Variants in DMXL1 observed in about 807,000 individuals in gnomAD.
DMXL1 encodes the protein Dmx like 1.
In DMXL1, 99 loss-of-function variants were observed where a neutral mutation model predicts 319.2. That is an observed-to-expected ratio of 0.31 (90% CI 0.26 to 0.37). DMXL1 has a LOEUF of 0.37. DMXL1 is among the 10% of genes least tolerant of loss of function. DMXL1 has a pLI of 1.00. For missense variants in DMXL1, 3,745 were observed against 3,595.6 expected, an observed-to-expected ratio of 1.04 and a Z score of -1.06; for synonymous variants, 1,385 against 1,235.2, an observed-to-expected ratio of 1.12 and a Z score of -2.54.
At chr5:119,238,561 A>T (rs1247093224) in intron 40 of DMXL1, among the ~76,000 whole-genome samples, 1 of 152,198 alleles carries the variant, frequency 6.6e-6, no homozygotes, top group Non-Finnish European at 1.5e-5. Flanking sequence ...ATCATCTAAA[A>T]TTCTAGTTTC....
chr5:119,212,019 G>C (rs939131189), intron 34 of DMXL1, among the ~76,000 whole-genome samples: 1 of 152,198 alleles, frequency 6.6e-6, no homozygotes, highest in East Asian at 1.9e-4. Flanking sequence ...GCAATGTTCA[G>C]ATCAGTTTCT....
At position 119,167,847 on chromosome 5, in the gene DMXL1, C is replaced by T. The variant is rs748174112; in HGVS notation, c.5381C>T (p.Pro1794Leu). 6.2e-7 allele frequency: 1 copy of T among 1,611,626 alleles called. No individual in the cohort carries two copies. Among genetic ancestry groups the T allele is most frequent in the South Asian group, 1.1e-5 (1 of 90,286 alleles). The change falls in exon 23 of 44, where the codon CCT (proline) becomes CTT (leucine). Residue 1794 changes from proline (P) to leucine (L), a missense_variant. Transcript: ENST00000539542. ...GCTCTGGAAACATTAATAAAGCAACCTATCAGAGAGAATGATGGTAAGCTG... is the reference window on the plus strand; with the variant it reads ...GCTCTGGAAACATTAATAAAGCAACTTATCAGAGAGAATGATGGTAAGCTG... The part of the protein sequence containing the change: ...SGALETLIKQ[P>L]IRENDDQVLS...
chr5:119,140,166 G>T (rs1358926135), intron 13 of DMXL1, among the ~76,000 whole-genome samples: 1 of 152,102 alleles, frequency 6.6e-6, no homozygotes, highest in Admixed American at 6.5e-5. Flanking sequence ...ACATCAAAAA[G>T]TCAGAAAGAT....
At position 119,121,041 on chromosome 5, in the gene DMXL1, C is replaced by T; in HGVS notation, c.1004C>T (p.Pro335Leu). 6.2e-7 allele frequency: 1 copy of T among 1,613,704 alleles called. No homozygotes were observed. The highest frequency in any genetic ancestry group is 8.5e-7 in the Non-Finnish European group (1 of 1,179,908). The change falls in exon 9 of 44, where the codon CCA (proline) becomes CTA (leucine). Residue 335 changes from proline to leucine, a missense_variant. Around this residue, in one of 4 missense-constraint regions of DMXL1, gnomAD observed 2,096 missense variants for 1,985.4 expected, o/e 1.06. Coordinates refer to ENST00000539542, the MANE Select transcript of DMXL1 (RefSeq NM_001290321.3). ...LALVAHTGYL[P>L]HQQDPHHVHR... ...CTTGTAGCACATACGGGATATCTAC[C>T]ACATCAGCAGGATCCTCATCATGTT... is the stretch of plus-strand genomic sequence containing the variant.
intron 20 of DMXL1, 23 bp from the exon 21 acceptor site, chr5:119,165,160 T>C: frequency 7.1e-7 from 1 of 1,407,818 alleles, no homozygotes; most frequent in Non-Finnish European, 9.9e-7. Flanking sequence ...TGTGAAATTT[T>C]GATCAATATT....
intron 1 of DMXL1, among the ~76,000 whole-genome samples, chr5:119,089,612 A>G (rs1427568237): frequency 3.1e-5 from 4 of 129,466 alleles, no homozygotes; most frequent in African/African-American, 1.2e-4. Flanking sequence ...CAGCGACTTC[A>G]TTTTTGGTAC....
chr5:119,089,298 T>A (rs1447553950), intron 1 of DMXL1, among the ~76,000 whole-genome samples: 537 of 52,034 alleles, frequency 0.01, 6 homozygotes, highest in East Asian at 0.023. Flanking sequence ...ATATATTTTT[T>A]TTTTTTTTTT....
At chr5:119,222,101 G>A (rs1041249193) in intron 37 of DMXL1, among the ~76,000 whole-genome samples, 4 of 152,086 alleles carry the variant, frequency 2.6e-5, no homozygotes, top group Admixed American at 6.6e-5. Flanking sequence ...TAAAATCTGA[G>A]TTATCTTTAA....
At chr5:119,110,407 G>T in intron 5 of DMXL1, 124 bp downstream of exon 5, 1 of 853,040 alleles carries the variant, frequency 1.2e-6, no homozygotes, top group Non-Finnish European at 1.7e-6. Flanking sequence ...TCTATGATAT[G>T]CTTTTTCTTA....
At position 119,203,305 on chromosome 5, in the gene DMXL1, GTCTC is replaced by G; in HGVS notation, c.7746-8_7746-5del. On this transcript the variant is annotated splice_polypyrimidine_tract_variant and intron_variant, in intron 32 of 43. Transcript: ENST00000539542. ...TCTGAAGTTTATCATTAAATTTGCT[GTCTC>G]TCTCTGTAGATCCAAACACCATCTG... 2 of 1,508,246 alleles carry G rather than the reference GTCTC, an allele frequency of 1.3e-6. No individual in the cohort carries two copies. Among genetic ancestry groups the G allele is most frequent in the South Asian group, 1.3e-5 (1 of 76,998 alleles). The allele number at this position is 1,508,246 out of a possible 1,614,324, so 93.4% of individuals were successfully genotyped here.
chr5:119,164,371 G>A (rs534179308), intron 19 of DMXL1, 136 bp from the exon 20 acceptor site: 9 of 756,512 alleles, frequency 1.2e-5, no homozygotes, highest in Middle Eastern at 8.2e-4. Flanking sequence ...ACTTAAAAAA[G>A]CCCATATTTC....
At chr5:119,205,956 A>G (rs893482084) in intron 33 of DMXL1, among the ~76,000 whole-genome samples, 1 of 152,068 alleles carries the variant, frequency 6.6e-6, no homozygotes, top group African/African-American at 2.4e-5. Flanking sequence ...ATGGCAGGTG[A>G]TGGGAGAGTA....
intron 38 of DMXL1, among the ~76,000 whole-genome samples, chr5:119,226,222 G>C (rs1269026584): frequency 6.6e-6 from 1 of 152,092 alleles, no homozygotes; most frequent in Non-Finnish European, 1.5e-5. Context: ...TAGCAGATAA[G>C]ACACCTGAAA....
At chr5:119,095,159 T>G (rs532370670) in intron 1 of DMXL1, among the ~76,000 whole-genome samples, 3 of 152,294 alleles carry the variant, frequency 2.0e-5, no homozygotes, top group Non-Finnish European at 4.4e-5. Flanking sequence ...TCAGCCAAGT[T>G]CAATAATTTT....
rs562809547 is a variant in DMXL1, at chr5:119,089,007, GT to G, written c.88-8965del. 4.6e-5 allele frequency among the ~76,000 whole-genome samples: 7 copies of G among 151,322 alleles called. No homozygotes were observed. The South Asian group carries it at 8.3e-4, about 18-fold the overall frequency. On this transcript the variant is annotated intron_variant, in intron 1 of 43. Coordinates refer to ENST00000539542, the MANE Select transcript of DMXL1 (RefSeq NM_001290321.3). ...ACAATTTTTTTTTTGCATATTAGTG[GT>G]TTTTTTAATTTCATGTTGAAGAACT...
intron 1 of DMXL1, among the ~76,000 whole-genome samples, 184 bp from the exon 2 acceptor site, chr5:119,097,795 G>T (rs984696555): frequency 6.6e-6 from 1 of 152,064 alleles, no homozygotes; most frequent in African/African-American, 2.4e-5. Flanking sequence ...TTTGCTAATA[G>T]GCTGTATATG....
At chr5:119,102,753 C>T (rs1323051972) in intron 3 of DMXL1, among the ~76,000 whole-genome samples, 1 of 152,090 alleles carries the variant, frequency 6.6e-6, no homozygotes, top group Non-Finnish European at 1.5e-5. Flanking sequence ...AATGATGGCA[C>T]CACTGCATTC....
intron 39 of DMXL1, among the ~76,000 whole-genome samples, chr5:119,233,714 T>C (rs983763000): frequency 1.3e-5 from 2 of 152,166 alleles, no homozygotes; most frequent in African/African-American, 4.8e-5. Context: ...GTTCACCTTA[T>C]ATTACACACT....
chr5:119,092,983 A>C (rs1272521793), intron 1 of DMXL1, among the ~76,000 whole-genome samples: 2 of 152,076 alleles, frequency 1.3e-5, no homozygotes, highest in African/African-American at 4.8e-5. Flanking sequence ...TTGTGTGGAC[A>C]TGTTTTCAGT....
Sources: gnomAD v4.1 joint callset for allele counts (sites outside exome capture counted in the v4.1 genomes callset) on GRCh38, gnomAD v4.1.1 for gene constraint, gnomAD v4.1.1 regional missense constraint, MANE v1.5 for transcripts, NCBI Gene and HGNC (gene_info 2026-07-23, HGNC 2026-07-21) for gene names.